The following ZNF423 variants were observed in gnomAD, a reference collection of about 807,000 sequenced individuals.
The protein encoded by ZNF423 is Ebf-associated zinc finger protein.
Under a neutral mutation model 95.8 loss-of-function variants are expected in ZNF423, and 12 were observed. The ratio of observed to expected loss-of-function variants is 0.13; its 90% confidence interval spans 0.08 to 0.20. The LOEUF (loss-of-function observed/expected upper bound fraction) is 0.20, where lower values mean the gene tolerates loss of function less well. Ranked by LOEUF, ZNF423 falls within the 10% of genes least tolerant of loss-of-function variation. The pLI, the probability that ZNF423 is intolerant of heterozygous loss-of-function variation, is 1.00. For synonymous variants in ZNF423, 749 were observed against 711.9 expected (o/e 1.05, Z -0.83); for missense variants, 1,316 against 1,737.1 (o/e 0.76, Z 4.31).
At chr16:49,592,226 G>T (rs975957221) in intron 5 of ZNF423, among the ~76,000 whole-genome samples, 1 of 152,212 alleles carries the variant, frequency 6.6e-6, no homozygotes, top group African/African-American at 2.4e-5. Flanking sequence ...ACATCAAATT[G>T]TTAACAGCAG....
Position 49,490,611 on chromosome 16 carries a change from C to T in ZNF423, c.*664G>A, listed in dbSNP as rs771181496. 4 of 152,604 alleles carry T rather than the reference C, an allele frequency of 2.6e-5. No individual in the cohort carries two copies. The highest frequency in any genetic ancestry group is 2.1e-4 in the South Asian group (1 of 4,828). The allele number at this position is 152,604 out of a possible 1,614,324, so 9.5% of individuals were successfully genotyped here. A position where few individuals can be genotyped will look rare whatever the true frequency, so the allele number is the denominator to read the frequency against. Reference sequence around the variant, plus strand: ...GAGAACCAGGCAGCCGGATGCTAATCGCATGGATTCCCTTTATTGAACTGT... The same window carrying T: ...GAGAACCAGGCAGCCGGATGCTAATTGCATGGATTCCCTTTATTGAACTGT... On this transcript the variant is annotated 3_prime_UTR_variant, in exon 8 of 8. Transcript: ENST00000563137.
At chr16:49,580,641 C>T (rs376112795) in intron 5 of ZNF423, among the ~76,000 whole-genome samples, 52 of 152,302 alleles carry the variant, frequency 3.4e-4, no homozygotes, top group Non-Finnish European at 6.5e-4. Context: ...TGATGCATAT[C>T]AATCTTCCTT....
chr16:49,572,651 C>T lies in ZNF423; in HGVS notation c.3602-47157G>A, dbSNP rs895184556. Among the ~76,000 whole-genome samples the T allele has an allele frequency of 3.3e-5, 5 of 152,170 alleles. No individual in the cohort carries two copies. In the South Asian group the frequency reaches 8.3e-4, roughly 25 times the overall value. On this transcript the variant is annotated intron_variant, in intron 5 of 7. Coordinates refer to ENST00000563137, the MANE Select transcript of ZNF423 (RefSeq NM_001379286.1). The stretch of plus-strand genomic sequence containing the variant: ...TACTTCCAGATTGTGAGTAACGGCA[C>T]GAGTTGGGAAAGGCTGCTTGTGGGG...
rs1362537764 is a variant in ZNF423 at position 49,855,477 on chromosome 16, G to T, written c.40+258C>A. The stretch of plus-strand genomic sequence containing the variant: ...GGTCCCCCAAGGGCGACGGCGCCGA[G>T]TCCGGGCAGGGAGGGTGTCCGCGGC... On this transcript the variant is annotated intron_variant, in intron 1 of 7. Coordinates refer to ENST00000563137, the MANE Select transcript of ZNF423 (RefSeq NM_001379286.1). This position sits in a 1 kb window ranked among gnomAD's most constrained non-coding sequence, Gnocchi z 4.7. Among the ~76,000 whole-genome samples, 1 of 150,960 alleles carries T rather than the reference G, an allele frequency of 6.6e-6. No homozygotes were observed. The highest frequency in any genetic ancestry group is 1.5e-5 in the Non-Finnish European group (1 of 67,678).
intron 5 of ZNF423, among the ~76,000 whole-genome samples, chr16:49,620,051 C>T (rs1308448930): frequency 6.6e-6 from 1 of 151,862 alleles, no homozygotes; most frequent in Non-Finnish European, 1.5e-5. Context: ...TTGAAAGTAT[C>T]TCCAGGGATG....
At chr16:49,549,505 A>T (rs111633556) in intron 5 of ZNF423, among the ~76,000 whole-genome samples, 110 of 152,324 alleles carry the variant, frequency 7.2e-4, no homozygotes, top group African/African-American at 2.5e-3. Context: ...GAGGCACAGC[A>T]GACCCATTTC....
chr16:49,552,020 T>A (rs1436727890), intron 5 of ZNF423, among the ~76,000 whole-genome samples: 3 of 152,156 alleles, frequency 2.0e-5, no homozygotes, highest in African/African-American at 7.2e-5. Context: ...ATACAAGAAA[T>A]TTGTATTAAA....
intron 3 of ZNF423, among the ~76,000 whole-genome samples, chr16:49,669,550 C>T (rs1205584921): frequency 3.3e-5 from 5 of 152,162 alleles, no homozygotes; most frequent in African/African-American, 9.7e-5. Context: ...CCAGAGGACA[C>T]GGCCAGGCCA....
intron 2 of ZNF423, among the ~76,000 whole-genome samples, chr16:49,770,719 G>A (rs577439564): frequency 4.3e-4 from 66 of 152,310 alleles, no homozygotes; most frequent in Non-Finnish European, 4.6e-4. Flanking sequence ...AGATGCAGAC[G>A]AAGGACAAAG....
At chr16:49,491,403 C>G in intron 7 of ZNF423, 99 bp from the exon 8 acceptor site, 1 of 1,463,488 alleles carries the variant, frequency 6.8e-7, no homozygotes, top group Non-Finnish European at 9.5e-7. Context: ...CGCAGAAAAG[C>G]GTCTCGATTA....
At chr16:49,793,247 C>T (rs1401180668) in intron 1 of ZNF423, among the ~76,000 whole-genome samples, 1 of 152,132 alleles carries the variant, frequency 6.6e-6, no homozygotes, top group Non-Finnish European at 1.5e-5. Flanking sequence ...GGAAGGAGGG[C>T]CCGTCTGCAA....
chr16:49,824,697 C>T (rs1425684412), intron 1 of ZNF423, among the ~76,000 whole-genome samples: 1 of 152,200 alleles, frequency 6.6e-6, no homozygotes, highest in Non-Finnish European at 1.5e-5. Context: ...CCTCAAATGC[C>T]ATTTTCCTGC....
At chr16:49,657,046 C>T (rs937676072) in intron 3 of ZNF423, among the ~76,000 whole-genome samples, 1 of 152,168 alleles carries the variant, frequency 6.6e-6, no homozygotes, top group Admixed American at 6.5e-5. Flanking sequence ...GAGTGACACC[C>T]GTTCAGGGGC....
intron 5 of ZNF423, among the ~76,000 whole-genome samples, chr16:49,604,363 A>G (rs556832868): frequency 6.6e-6 from 1 of 152,300 alleles, no homozygotes; most frequent in African/African-American, 2.4e-5. Flanking sequence ...GTAGTGGCAC[A>G]GTGGTCCAGG....
chr16:49,653,350 A>T (rs1055198810), intron 3 of ZNF423, among the ~76,000 whole-genome samples: 3 of 151,976 alleles, frequency 2.0e-5, no homozygotes, highest in Non-Finnish European at 4.4e-5. Flanking sequence ...CTCTGATTAA[A>T]CGCAAACCAC....
At chr16:49,612,288 G>C (rs1971748998) in intron 5 of ZNF423, among the ~76,000 whole-genome samples, 1 of 151,282 alleles carries the variant, frequency 6.6e-6, no homozygotes, top group Non-Finnish European at 1.5e-5. Flanking sequence ...TATACACCAT[G>C]ACCAAATGAG....
chr16:49,806,755 G>A (rs532581193), intron 1 of ZNF423, among the ~76,000 whole-genome samples: 4 of 151,750 alleles, frequency 2.6e-5, no homozygotes, highest in African/African-American at 7.3e-5. Flanking sequence ...CAGGCCAGGC[G>A]CTGTGACTCA....
chr16:49,716,794 C>CTG (rs1412459992), intron 3 of ZNF423, among the ~76,000 whole-genome samples: 1 of 152,148 alleles, frequency 6.6e-6, no homozygotes, highest in African/African-American at 2.4e-5. Context: ...GCTGGGGAGG[C>CTG]TGTGACCAGA....
intron 5 of ZNF423, among the ~76,000 whole-genome samples, chr16:49,574,183 A>G (rs1433729971): frequency 6.6e-6 from 1 of 152,200 alleles, no homozygotes; most frequent in Non-Finnish European, 1.5e-5. Flanking sequence ...CAGGAGTTCA[A>G]GACCAGCCTG....
Sources: gnomAD v4.1 joint callset for allele counts (sites outside exome capture counted in the v4.1 genomes callset) on GRCh38, gnomAD v4.1.1 for gene constraint, Gnocchi (gnomAD v3.1) non-coding constraint, MANE v1.5 for transcripts, NCBI Gene and HGNC (gene_info 2026-07-23, HGNC 2026-07-21) for gene names.